The following EXOC4 variants were observed in gnomAD, a reference collection of about 807,000 sequenced individuals.
EXOC4 encodes the protein exocyst complex component 4.
In EXOC4, 71 loss-of-function variants were observed where a neutral mutation model predicts 107.2. The ratio of observed to expected loss-of-function variants is 0.66; its 90% CI spans 0.55 to 0.81. EXOC4 has a LOEUF of 0.81. EXOC4 is among the 30% of genes least tolerant of loss of function. EXOC4 has a pLI of 0.00. For synonymous variants in EXOC4, 456 were observed against 441.2 expected (o/e 1.03, Z -0.42); for missense variants, 1,108 against 1,189.6 (o/e 0.93, Z 1.01).
At chr7:133,601,387 A>T (rs1010491392) in intron 9 of EXOC4, among the ~76,000 whole-genome samples, 6 of 152,018 alleles carry the variant, frequency 3.9e-5, no homozygotes, top group Admixed American at 3.3e-4. Context: ...TTATATATAT[A>T]TTTTTGGAGG....
At chr7:133,397,467 A>G (rs1221750615) in intron 7 of EXOC4, among the ~76,000 whole-genome samples, 1 of 152,044 alleles carries the variant, frequency 6.6e-6, no homozygotes, top group Non-Finnish European at 1.5e-5. Context: ...CTAAAGTTGC[A>G]GTCTCCTTAA....
chr7:133,675,729 G>A (rs1028941788), intron 10 of EXOC4, among the ~76,000 whole-genome samples: 2 of 152,180 alleles, frequency 1.3e-5, no homozygotes, highest in African/African-American at 4.8e-5. Flanking sequence ...TAACGGCGTA[G>A]GAGTGAGGAA....
intron 11 of EXOC4, among the ~76,000 whole-genome samples, chr7:133,873,522 T>A (rs976682537): frequency 6.6e-6 from 1 of 152,110 alleles, no homozygotes; most frequent in Non-Finnish European, 1.5e-5. Flanking sequence ...TGTGAAGATG[T>A]TAAGTTTATT....
At position 134,056,190 on chromosome 7, in the gene EXOC4, T is replaced by G. The variant is rs1414864957; in HGVS notation, c.2688-8101T>G. Among the ~76,000 whole-genome samples, 15 of 152,308 alleles carry G rather than the reference T, an allele frequency of 9.8e-5. No individual in the cohort carries two copies. In the East Asian group the frequency reaches 2.5e-3, roughly 25 times the overall value. On this transcript the variant is annotated intron_variant, in intron 17 of 17. Coordinates refer to ENST00000253861, the MANE Select transcript of EXOC4 (RefSeq NM_021807.4). ...CCTATGATATTAGATAAATTGTCTT[T>G]AAAAATCAGAAAGACTCTCTAAAGT...
chr7:133,855,042 T>TCTAAATATATCTAA (rs1554409713), intron 11 of EXOC4, among the ~76,000 whole-genome samples: 14 of 75,678 alleles, frequency 1.8e-4, no homozygotes, highest in East Asian at 1.4e-3. Context: ...TCTAAATATA[T>TCTAAATATATCTAA]ATATATCTAA....
intron 5 of EXOC4, among the ~76,000 whole-genome samples, chr7:133,333,440 T>G (rs1169251257): frequency 6.6e-6 from 1 of 152,200 alleles, no homozygotes; most frequent in Non-Finnish European, 1.5e-5. Context: ...ATCTGGTTTT[T>G]TTTTTATTGG....
At chr7:133,895,524 A>G (rs1364451156) in intron 11 of EXOC4, 75 bp from the exon 12 acceptor site, 2 of 1,431,122 alleles carry the variant, frequency 1.4e-6, no homozygotes, top group Non-Finnish European at 1.9e-6. Flanking sequence ...ATTATGACAT[A>G]CTTGGAGTTG....
intron 17 of EXOC4, among the ~76,000 whole-genome samples, chr7:134,026,050 T>G (rs1325847622): frequency 6.6e-6 from 1 of 152,148 alleles, no homozygotes; most frequent in African/African-American, 2.4e-5. Flanking sequence ...ATGCTTTCAG[T>G]GCAAGGAGCA....
chr7:133,399,691 A>G (rs1395464687), intron 7 of EXOC4, among the ~76,000 whole-genome samples: 1 of 152,234 alleles, frequency 6.6e-6, no homozygotes, highest in Non-Finnish European at 1.5e-5. Context: ...GCAAAGTTGT[A>G]CCTTTTCAGA....
intron 10 of EXOC4, among the ~76,000 whole-genome samples, chr7:133,649,099 G>A (rs911901635): frequency 2.0e-5 from 3 of 151,984 alleles, no homozygotes; most frequent in Admixed American, 1.3e-4. Flanking sequence ...GCATTTTCTT[G>A]AGCTATTATT....
At chr7:133,682,471 A>G (rs1421432391) in intron 10 of EXOC4, among the ~76,000 whole-genome samples, 1 of 152,060 alleles carries the variant, frequency 6.6e-6, no homozygotes, top group African/African-American at 2.4e-5. Context: ...ACCTCCCACC[A>G]TGATTCTGAG....
intron 14 of EXOC4, among the ~76,000 whole-genome samples, chr7:133,965,914 G>C (rs1465642109): frequency 6.6e-6 from 1 of 152,180 alleles, no homozygotes; most frequent in Non-Finnish European, 1.5e-5. Flanking sequence ...ATTACTTTGG[G>C]CAGTATGGCC....
At chr7:133,396,396 G>A (rs899465539) in intron 7 of EXOC4, 2 of 152,154 alleles carry the variant, frequency 1.3e-5, no homozygotes, top group Non-Finnish European at 1.5e-5. Context: ...TGATGACACT[G>A]TTCATGCTCA....
chr7:133,358,940 C>T (rs1480757414), intron 6 of EXOC4, among the ~76,000 whole-genome samples: 1 of 152,104 alleles, frequency 6.6e-6, no homozygotes, highest in African/African-American at 2.4e-5. Flanking sequence ...TGTTAAGTGT[C>T]TTTCGTTTGT....
chr7:134,004,196 A>G (rs1794590870), intron 15 of EXOC4, among the ~76,000 whole-genome samples: 4 of 152,192 alleles, frequency 2.6e-5, no homozygotes, highest in African/African-American at 9.7e-5. Flanking sequence ...TTACAAATTC[A>G]TAGAGGTTCC....
At chr7:133,587,632 A>C (rs1801437030) in intron 9 of EXOC4, among the ~76,000 whole-genome samples, 1 of 152,246 alleles carries the variant, frequency 6.6e-6, no homozygotes, top group Admixed American at 6.5e-5. Flanking sequence ...TGAACCTATC[A>C]GCAAAATCAG....
chr7:133,905,058 A>G (rs764036339), intron 12 of EXOC4, among the ~76,000 whole-genome samples: 2 of 152,334 alleles, frequency 1.3e-5, no homozygotes, highest in African/African-American at 2.4e-5. Flanking sequence ...CCAAAATGGT[A>G]TAACACTGGG....
intron 15 of EXOC4, among the ~76,000 whole-genome samples, chr7:134,003,591 A>G (rs1328938598): frequency 6.6e-6 from 1 of 152,178 alleles, no homozygotes; most frequent in East Asian, 1.9e-4. Flanking sequence ...GTAACAGAAC[A>G]TAGACCCTGG....
At chr7:133,686,348 A>T (rs1302474383) in intron 10 of EXOC4, among the ~76,000 whole-genome samples, 3 of 152,098 alleles carry the variant, frequency 2.0e-5, no homozygotes, top group Non-Finnish European at 4.4e-5. Context: ...CCTTCCTCTC[A>T]TTGCCTCTTA....
Sources: allele counts gnomAD v4.1 joint callset (sites outside exome capture counted in the v4.1 genomes callset), GRCh38; gene constraint gnomAD v4.1.1; transcripts MANE v1.5; gene names NCBI Gene and HGNC (gene_info 2026-07-23, HGNC 2026-07-21).